Variants in VAT1L observed in about 807,000 individuals in gnomAD.
VAT1L encodes the protein putative NADPH-dependent quinone oxidoreductase VAT1L.
Under a neutral mutation model 44.1 loss-of-function variants are expected in VAT1L, and 34 were observed. The ratio of observed to expected loss-of-function variants is 0.77; its 90% CI spans 0.59 to 1.03. VAT1L has a LOEUF of 1.03. VAT1L is among the 50% of genes least tolerant of loss of function. The probability of loss-of-function intolerance (pLI) is 0.00; values close to 1 mark genes in which losing one functional copy is unlikely to be tolerated. For missense variants in VAT1L, 615 were observed against 538.8 expected, an observed-to-expected ratio of 1.14 and a Z score of -1.40; for synonymous variants, 253 against 202.2, an observed-to-expected ratio of 1.25 and a Z score of -2.13.
At chr16:77,911,716 ACG>A (rs1597095219) in intron 7 of VAT1L, among the ~76,000 whole-genome samples, 1 of 152,094 alleles carries the variant, frequency 6.6e-6, no homozygotes, top group East Asian at 1.9e-4. Context: ...CTGGGTCCAC[ACG>A]AGTGTACACA....
intron 7 of VAT1L, among the ~76,000 whole-genome samples, chr16:77,889,665 T>C (rs1216446785): frequency 2.0e-5 from 3 of 152,242 alleles, no homozygotes; most frequent in African/African-American, 7.2e-5. Context: ...TTCCTGCCCT[T>C]GAGTTTATAA....
rs58845242 is a variant in VAT1L at position 77,912,581 on chromosome 16, T to C, written c.1077+27779T>C. ...TGTTTATTATTATTATTTTTTACAA[T>C]AGAATGAAATTTTAAAAATTAAACA... On this transcript the variant is annotated intron_variant, in intron 7 of 8. Transcript: ENST00000302536. Among the ~76,000 whole-genome samples the C allele has an allele frequency of 7.8e-3, 1,184 of 152,254 alleles. 19 individuals carry two copies. Among genetic ancestry groups the C allele is most frequent in the African/African-American group, 0.026 (1,099 of 41,548 alleles).
At chr16:77,855,948 G>A (rs1414348494) in intron 3 of VAT1L, among the ~76,000 whole-genome samples, 1 of 152,154 alleles carries the variant, frequency 6.6e-6, no homozygotes, top group Non-Finnish European at 1.5e-5. Context: ...AACACAGGAG[G>A]TGGAGGTTGC....
chr16:77,942,325 T>C (rs1478091561), intron 7 of VAT1L, among the ~76,000 whole-genome samples: 3 of 152,004 alleles, frequency 2.0e-5, no homozygotes, highest in Non-Finnish European at 2.9e-5. Context: ...CCCTCCCCCA[T>C]GATTTAGTTA....
intron 7 of VAT1L, among the ~76,000 whole-genome samples, chr16:77,940,340 G>GTT (rs66546770): frequency 0.031 from 3,481 of 112,434 alleles, 165 homozygotes; most frequent in African/African-American, 0.078. Flanking sequence ...ATACCACTTG[G>GTT]TTTTTTTTTT....
intron 2 of VAT1L, among the ~76,000 whole-genome samples, chr16:77,821,648 G>A (rs2016455144): frequency 6.6e-6 from 1 of 152,092 alleles, no homozygotes; most frequent in African/African-American, 2.4e-5. Context: ...TTATTTAACT[G>A]CTCTGAGCTT....
chr16:77,814,481 C>T (rs911633862), intron 1 of VAT1L, among the ~76,000 whole-genome samples: 1 of 152,204 alleles, frequency 6.6e-6, no homozygotes, highest in Non-Finnish European at 1.5e-5. Flanking sequence ...TTTACCATCA[C>T]TGGGCCCAGT....
intron 3 of VAT1L, among the ~76,000 whole-genome samples, chr16:77,845,908 C>T (rs1030032589): frequency 3.9e-5 from 6 of 152,112 alleles, no homozygotes; most frequent in Admixed American, 2.0e-4. Context: ...TCCATCTGTC[C>T]GTCCATCCAT....
chr16:77,848,112 A>G (rs958375663), intron 3 of VAT1L, among the ~76,000 whole-genome samples: 1 of 152,252 alleles, frequency 6.6e-6, no homozygotes, highest in African/African-American at 2.4e-5. Context: ...TATGAGACAT[A>G]CAAACCTATA....
At chr16:77,806,601 C>T (rs1219366193) in intron 1 of VAT1L, among the ~76,000 whole-genome samples, 1 of 152,200 alleles carries the variant, frequency 6.6e-6, no homozygotes, top group African/African-American at 2.4e-5. Context: ...CCTCGGCCTC[C>T]CAAAGTGTTG....
In VAT1L at chr16:77,883,898, A is replaced by G. The variant is rs543787259; in HGVS notation, c.883-710A>G. ...TCATGTTCCCCACCACATTGTGTAA[A>G]CTTTTCTGCCATCCTAGTTCCTTTA... On this transcript the variant is annotated intron_variant, in intron 6 of 8. Coordinates refer to ENST00000302536, the MANE Select transcript of VAT1L (RefSeq NM_020927.3). Among the ~76,000 whole-genome samples, 61 of 152,130 alleles carry G rather than the reference A, an allele frequency of 4.0e-4. 1 individual carries two copies. The highest frequency in any genetic ancestry group is 2.1e-4 in the Non-Finnish European group (14 of 68,004).
chr16:77,855,562 A>T (rs1388673825), intron 3 of VAT1L, among the ~76,000 whole-genome samples: 1 of 152,172 alleles, frequency 6.6e-6, no homozygotes, highest in Admixed American at 6.5e-5. Flanking sequence ...GTTCAGTGGA[A>T]TTGGTGCTCT....
chr16:77,838,484 G>C (rs899056061), intron 3 of VAT1L, among the ~76,000 whole-genome samples: 1 of 152,112 alleles, frequency 6.6e-6, no homozygotes, highest in African/African-American at 2.4e-5. Context: ...AAATTTGGCA[G>C]TTTCCCTTTT....
intron 7 of VAT1L, among the ~76,000 whole-genome samples, chr16:77,924,529 C>T (rs940564739): frequency 2.6e-5 from 4 of 152,046 alleles, no homozygotes; most frequent in Non-Finnish European, 2.9e-5. Flanking sequence ...GACACAATCT[C>T]GGCTCACTGC....
At chr16:77,817,863 C>G (rs2016382878) in intron 2 of VAT1L, among the ~76,000 whole-genome samples, 1 of 152,130 alleles carries the variant, frequency 6.6e-6, no homozygotes, top group Admixed American at 6.5e-5. Flanking sequence ...TACAAGGGCT[C>G]TTACTCATAA....
At chr16:77,886,966 A>T (rs527384082) in intron 7 of VAT1L, among the ~76,000 whole-genome samples, 1 of 152,268 alleles carries the variant, frequency 6.6e-6, no homozygotes, top group South Asian at 2.1e-4. Context: ...TTTATATGTT[A>T]AAAGAGTAAC....
chr16:77,941,437 C>A (rs962804550), intron 7 of VAT1L, among the ~76,000 whole-genome samples: 1 of 152,102 alleles, frequency 6.6e-6, no homozygotes, highest in Middle Eastern at 3.2e-3. Context: ...GTAAATCTTC[C>A]CACCATGGCT....
chr16:77,894,613 A>G (rs953008669), intron 7 of VAT1L, among the ~76,000 whole-genome samples: 35 of 152,184 alleles, frequency 2.3e-4, no homozygotes, highest in Admixed American at 2.2e-3. Context: ...TTGGAGAGAT[A>G]AAAATGTTCT....
At chr16:77,862,336 C>T (rs752437296) in intron 3 of VAT1L, among the ~76,000 whole-genome samples, 12 of 152,156 alleles carry the variant, frequency 7.9e-5, no homozygotes, top group Middle Eastern at 3.2e-3. Context: ...AAAGGCCCCC[C>T]GGGCACAGTG....
Sources: allele counts gnomAD v4.1 joint callset (sites outside exome capture counted in the v4.1 genomes callset), GRCh38; gene constraint gnomAD v4.1.1; transcripts MANE v1.5; gene names NCBI Gene and HGNC (gene_info 2026-07-23, HGNC 2026-07-21).